The following CTPS2 variants were observed in gnomAD, a reference collection of about 807,000 sequenced individuals.
CTPS2 encodes CTP synthase 2.
Under a neutral mutation model 46.8 loss-of-function variants are expected in CTPS2, and 19 were observed. The observed-to-expected ratio is 0.41, with a 90% CI of 0.28 to 0.60. The LOEUF (loss-of-function observed/expected upper bound fraction) is 0.60, where lower values mean the gene tolerates loss of function less well. Ranked by LOEUF, CTPS2 falls within the 20% of genes least tolerant of loss-of-function variation. CTPS2 has a pLI of 0.35. For synonymous variants in CTPS2, 151 were observed against 165.2 expected (o/e 0.91, Z 0.66); for missense variants, 286 against 447.6 (o/e 0.64, Z 3.26).
chrX:16,642,075 T>C (rs1932105186), intron 13 of CTPS2, among the ~76,000 whole-genome samples: 1 of 112,335 alleles, frequency 8.9e-6, no homozygotes, highest in Non-Finnish European at 1.9e-5. Flanking sequence ...TTCAGAACTG[T>C]TGGCTTTTTA....
chrX:16,696,110 G>T (rs1452728297), intron 4 of CTPS2, among the ~76,000 whole-genome samples: 1 of 112,204 alleles, frequency 8.9e-6, no homozygotes, highest in Non-Finnish European at 1.9e-5. Flanking sequence ...AAGATAACTC[G>T]TACTAATATA....
chrX:16,643,144 A>G (rs1932158291), intron 13 of CTPS2, among the ~76,000 whole-genome samples: 1 of 112,105 alleles, frequency 8.9e-6, no homozygotes, highest in Non-Finnish European at 1.9e-5. Context: ...TGAGTTCAAG[A>G]CTTTACAGCA....
At chrX:16,590,912 A>G in intron 17 of CTPS2, 50 bp from the exon 18 acceptor site, 1 of 914,060 alleles carries the variant, frequency 1.1e-6, no homozygotes, top group African/African-American at 2.0e-5. Context: ...AAAAACCTGG[A>G]CAATTATTCA....
chrX:16,631,263 G>T (rs772400255), intron 14 of CTPS2, among the ~76,000 whole-genome samples: 9 of 110,055 alleles, frequency 8.2e-5, no homozygotes, highest in Non-Finnish European at 1.5e-4. Context: ...TAGGAGAATT[G>T]CTTGAACCCG....
In CTPS2 at chrX:16,609,569, A is replaced by G; in HGVS notation, c.1663T>C (p.Leu555=). 8.3e-7 allele frequency: 1 copy of G among 1,211,818 alleles called. No individual in the cohort carries two copies. The highest frequency in any genetic ancestry group is 1.1e-6 in the Non-Finnish European group (1 of 895,467). ...LAATGNLNAY[L]QQGCKLSSSD... ...GAAGACAGTTTGCAACCCTGTTGCA[A>G]GTAGGCATTCAGGTTCCCAGTTGCT... Residue 555 remains leucine, a synonymous_variant, in exon 17 of 19, where the codon TTG becomes CTG. Transcript: ENST00000359276.
chrX:16,640,529 G>A (rs781034508), intron 13 of CTPS2, among the ~76,000 whole-genome samples: 2 of 111,561 alleles, frequency 1.8e-5, no homozygotes, highest in Non-Finnish European at 3.8e-5. Context: ...CAATCTTTGA[G>A]AGCCGGAGTG....
At chrX:16,618,628 G>A (rs1342093645) in intron 15 of CTPS2, among the ~76,000 whole-genome samples, 1 of 111,794 alleles carries the variant, frequency 8.9e-6, no homozygotes, top group Non-Finnish European at 1.9e-5. Flanking sequence ...GTCTGTGCTT[G>A]ATTATAGCCA....
At position 16,698,387 on chromosome X, in the gene CTPS2, G is replaced by C. The variant is rs780159517; in HGVS notation, c.338-51C>G. On this transcript the variant is annotated intron_variant, in intron 3 of 18. Coordinates refer to ENST00000359276, the MANE Select transcript of CTPS2 (RefSeq NM_175859.3). ...AGTTTATTCCATGCTCATGAGAAAA[G>C]AATGTGCTTTAGGCCTCCCCAATCA... 8 of 918,691 alleles carry C rather than the reference G, an allele frequency of 8.7e-6. No homozygotes were observed. In the Admixed American group the frequency reaches 1.6e-4, roughly 18 times the overall value. The allele number at this position is 918,691 out of a possible 1,213,427, so 75.7% of individuals were successfully genotyped here. A position where few individuals can be genotyped will look rare whatever the true frequency, so the allele number is the denominator to read the frequency against.
rs746244602 is a variant in CTPS2, at chrX:16,606,228, C to T, written c.1691+3313G>A. On this transcript the variant is annotated intron_variant, in intron 17 of 18. Transcript: ENST00000359276. ...AAGTCATTATTCTAGTGTTCATATTCCTTGTCACATTGTTTAGGGTTGATT... is the reference window on the plus strand; with the variant it reads ...AAGTCATTATTCTAGTGTTCATATTTCTTGTCACATTGTTTAGGGTTGATT... Among the ~76,000 whole-genome samples the T allele has an allele frequency of 8.9e-5, 10 of 112,373 alleles. No individual in the cohort carries two copies. The South Asian group carries it at 3.0e-3, about 33-fold the overall frequency.
chrX:16,644,940 C>T (rs1044845178), intron 13 of CTPS2, among the ~76,000 whole-genome samples: 4 of 112,497 alleles, frequency 3.6e-5, no homozygotes, highest in Non-Finnish European at 5.6e-5. Context: ...GACACAGTGT[C>T]AAGTTCAGAT....
intron 13 of CTPS2, among the ~76,000 whole-genome samples, chrX:16,652,092 A>C (rs1932674163): frequency 2.7e-5 from 3 of 111,881 alleles, no homozygotes; most frequent in South Asian, 7.5e-4. Flanking sequence ...TTGCCTTGAT[A>C]GGATTCTAGC....
chrX:16,637,533 A>G (rs913704246), intron 14 of CTPS2, among the ~76,000 whole-genome samples: 2 of 112,788 alleles, frequency 1.8e-5, no homozygotes, highest in Non-Finnish European at 3.7e-5. Context: ...AATCAGACTT[A>G]TATCTATCAA....
chrX:16,651,038 A>G (rs1932596307), intron 13 of CTPS2: 1 of 1,206,621 alleles, frequency 8.3e-7, no homozygotes, highest in African/African-American at 1.7e-5. Flanking sequence ...GAGGAACTGA[A>G]GAGGATTTTT....
rs758281344 is a variant in CTPS2, at chrX:16,636,789, C to T, written c.1393+2358G>A. The stretch of plus-strand genomic sequence containing the variant: ...AATACAAAAAAAAATAGCCGGCAGG[C>T]GCCTGTAGTCCCAGCTACTTGGGAG... On this transcript the variant is annotated intron_variant, in intron 14 of 18. Transcript: ENST00000359276. Among the ~76,000 whole-genome samples, 181 of 110,119 alleles carry T rather than the reference C, an allele frequency of 1.6e-3. 1 individual carries two copies. Among genetic ancestry groups the T allele is most frequent in the African/African-American group, 5.2e-3 (159 of 30,294 alleles).
Position 16,620,312 on chromosome X carries a change from G to A in CTPS2, c.1414C>T (p.Pro472Ser), listed in dbSNP as rs372927744. ...TGTCTGTGTCTTTCTTCTATAAAAG[G>A]AACATCACCATAAAGTTTCCCTGTA... ...SILRKLYGDVPFIEERHRHRF... is the reference protein window; with the variant it reads ...SILRKLYGDVSFIEERHRHRF... The change falls in exon 15 of 19, where the codon CCT becomes TCT. Residue 472 changes from proline (P) to serine (S), a missense_variant. Transcript: ENST00000359276. 24 of 1,199,207 alleles carry A rather than the reference G, an allele frequency of 2.0e-5. No homozygotes were observed. The highest frequency in any genetic ancestry group is 2.5e-5 in the Non-Finnish European group (22 of 886,539).
chrX:16,704,717 G>A (rs769897203), intron 1 of CTPS2, among the ~76,000 whole-genome samples: 68 of 111,362 alleles, frequency 6.1e-4, no homozygotes, highest in African/African-American at 2.2e-3. Context: ...GGAGGCTGAG[G>A]CGGGCAGATC....
intron 8 of CTPS2, among the ~76,000 whole-genome samples, chrX:16,688,982 T>C (rs1267097449): frequency 9.1e-6 from 1 of 109,548 alleles, no homozygotes; most frequent in Non-Finnish European, 1.9e-5. Flanking sequence ...GCCTCTAGTC[T>C]CAGCTACTCA....
intron 1 of CTPS2, among the ~76,000 whole-genome samples, chrX:16,703,215 C>T (rs774992378): frequency 7.3e-5 from 8 of 109,515 alleles, no homozygotes; most frequent in Non-Finnish European, 1.1e-4. Flanking sequence ...TTTGTAGAGA[C>T]GGAGTTTCAC....
In CTPS2 at chrX:16,647,255, C is replaced by CTTTTTTTTTTT. The variant is rs746634342; in HGVS notation, c.1297-8023_1297-8013dup. Reference sequence around the variant, plus strand: ...GACAATAGGCAGCATTGGGCCCATTCTTTTTTTTTTTTTTTTTTTTTTTTT... The same window carrying CTTTTTTTTTTT: ...GACAATAGGCAGCATTGGGCCCATTCTTTTTTTTTTTTTTTTTTTTTTTTTTTTTTTTTTTT... On this transcript the variant is annotated intron_variant, in intron 13 of 18. Transcript: ENST00000359276. 7.8e-4 allele frequency among the ~76,000 whole-genome samples: 31 copies of CTTTTTTTTTTT among 39,753 alleles called. 5 individuals carry two copies. Among genetic ancestry groups the CTTTTTTTTTTT allele is most frequent in the African/African-American group, 3.0e-3 (30 of 9,885 alleles). 34.5% of individuals were successfully genotyped at this position (39,753 alleles called of 115,157 possible).
Sources: allele counts gnomAD v4.1 joint callset (sites outside exome capture counted in the v4.1 genomes callset), GRCh38; gene constraint gnomAD v4.1.1; transcripts MANE v1.5; gene names NCBI Gene and HGNC (gene_info 2026-07-23, HGNC 2026-07-21).